The following BABAM2 variants were observed in gnomAD, a reference collection of about 807,000 sequenced individuals.
BABAM2 encodes BRISC and BRCA1-A complex member 2.
A neutral mutation model predicts 54.7 loss-of-function variants in BABAM2; 31 were observed. That is an observed-to-expected ratio of 0.57 (90% CI 0.43 to 0.77). The LOEUF (loss-of-function observed/expected upper bound fraction) is 0.77, where lower values mean the gene tolerates loss of function less well. Ranked by LOEUF, BABAM2 falls within the 30% of genes least tolerant of loss-of-function variation. The probability of loss-of-function intolerance (pLI) is 0.00; values close to 1 mark genes in which losing one functional copy is unlikely to be tolerated. For synonymous variants in BABAM2, 167 were observed against 162.9 expected (o/e 1.03, Z -0.19); for missense variants, 364 against 455.8 (o/e 0.80, Z 1.83).
intron 6 of BABAM2, among the ~76,000 whole-genome samples, chr2:28,106,917 TAAAC>T (rs1187220950): frequency 6.6e-6 from 1 of 152,226 alleles, no homozygotes; most frequent in African/African-American, 2.4e-5. Flanking sequence ...CCAAATATGT[TAAAC>T]AACCATTTTC....
At chr2:28,140,574 G>A (rs772368367) in intron 7 of BABAM2, among the ~76,000 whole-genome samples, 12 of 151,784 alleles carry the variant, frequency 7.9e-5, no homozygotes, top group Non-Finnish European at 1.3e-4. Context: ...AGATCCCTAG[G>A]GATAGAAGTA....
chr2:28,173,337 G>T (rs973300765), intron 7 of BABAM2, among the ~76,000 whole-genome samples: 3 of 152,068 alleles, frequency 2.0e-5, no homozygotes, highest in East Asian at 1.9e-4. Flanking sequence ...CCCCCATTTG[G>T]TGCATACAAT....
chr2:27,911,320 A>G (rs1196830732), intron 2 of BABAM2, among the ~76,000 whole-genome samples: 1 of 152,082 alleles, frequency 6.6e-6, no homozygotes, highest in Non-Finnish European at 1.5e-5. Context: ...ACATGTTTGA[A>G]CCCTCTGGAT....
At chr2:27,930,777 A>G (rs181860372) in intron 3 of BABAM2, among the ~76,000 whole-genome samples, 48 of 152,246 alleles carry the variant, frequency 3.2e-4, no homozygotes, top group African/African-American at 1.1e-3. Context: ...CTCTGTCACT[A>G]TTACCAATAC....
chr2:28,100,125 T>A (rs535666908), intron 6 of BABAM2, among the ~76,000 whole-genome samples: 1 of 152,134 alleles, frequency 6.6e-6, no homozygotes, highest in African/African-American at 2.4e-5. Flanking sequence ...ATTGTTTTGA[T>A]TTTTTCTTTA....
chr2:27,949,435 G>A (rs976038939), intron 3 of BABAM2, among the ~76,000 whole-genome samples: 3 of 151,952 alleles, frequency 2.0e-5, no homozygotes, highest in African/African-American at 4.8e-5. Flanking sequence ...TTGGGAGGCC[G>A]AGGCAGGAGA....
chr2:28,121,663 C>G (rs1669078728), intron 6 of BABAM2, among the ~76,000 whole-genome samples: 1 of 152,170 alleles, frequency 6.6e-6, no homozygotes, highest in Non-Finnish European at 1.5e-5. Flanking sequence ...ATTTCCTCCT[C>G]ATTCCTTATC....
intron 4 of BABAM2, among the ~76,000 whole-genome samples, chr2:27,989,526 T>C (rs538260925): frequency 6.6e-6 from 1 of 152,218 alleles, no homozygotes; most frequent in Admixed American, 6.5e-5. Flanking sequence ...GAAATGTAAG[T>C]CAATATAAGG....
intron 7 of BABAM2, among the ~76,000 whole-genome samples, chr2:28,190,554 G>T (rs1273817290): frequency 6.6e-6 from 1 of 152,156 alleles, no homozygotes; most frequent in Non-Finnish European, 1.5e-5. Flanking sequence ...AGGCGTGGTG[G>T]TGCATGTCTG....
chr2:28,277,785 G>A (rs1374926402), intron 10 of BABAM2, among the ~76,000 whole-genome samples: 1 of 152,216 alleles, frequency 6.6e-6, no homozygotes, highest in African/African-American at 2.4e-5. Flanking sequence ...AAACATTTGA[G>A]TATCTACTAT....
chr2:28,214,340 A>C (rs907961290), intron 7 of BABAM2, among the ~76,000 whole-genome samples: 2 of 152,140 alleles, frequency 1.3e-5, no homozygotes, highest in African/African-American at 4.8e-5. Flanking sequence ...ATTTTTTGAG[A>C]GCAAATAAAA....
At chr2:28,042,777 A>T (rs914517429) in intron 5 of BABAM2, among the ~76,000 whole-genome samples, 2 of 152,134 alleles carry the variant, frequency 1.3e-5, no homozygotes, top group African/African-American at 4.8e-5. Flanking sequence ...TTTAAAAATG[A>T]TGTTTATAAG....
At chr2:28,261,617 C>T (rs564380018) in intron 10 of BABAM2, among the ~76,000 whole-genome samples, 7 of 152,276 alleles carry the variant, frequency 4.6e-5, no homozygotes, top group African/African-American at 1.2e-4. Flanking sequence ...GGATTACAGG[C>T]GTGAGCCACC....
intron 7 of BABAM2, among the ~76,000 whole-genome samples, chr2:28,191,769 T>C (rs1676935032): frequency 6.6e-6 from 1 of 152,118 alleles, no homozygotes; most frequent in African/African-American, 2.4e-5. Flanking sequence ...AGTGTAGTTG[T>C]GGAAGGGAGA....
chr2:27,917,405 G>A (rs528263412), intron 2 of BABAM2, among the ~76,000 whole-genome samples: 40 of 152,302 alleles, frequency 2.6e-4, no homozygotes, highest in African/African-American at 9.4e-4. Flanking sequence ...ATAAACAGCA[G>A]AAGTTTATTG....
chr2:28,133,684 T>A (rs938620399), intron 7 of BABAM2, among the ~76,000 whole-genome samples: 1 of 152,204 alleles, frequency 6.6e-6, no homozygotes, highest in Admixed American at 6.5e-5. Context: ...GGCAAAGATA[T>A]TATACTCACG....
At chr2:28,084,981 T>G (rs1665514299) in intron 6 of BABAM2, among the ~76,000 whole-genome samples, 1 of 152,164 alleles carries the variant, frequency 6.6e-6, no homozygotes, top group Non-Finnish European at 1.5e-5. Context: ...TATTTGGGTT[T>G]TAAAAAAACG....
chr2:28,046,787 C>CTT (rs956125686), intron 6 of BABAM2, among the ~76,000 whole-genome samples: 1 of 144,490 alleles, frequency 6.9e-6, no homozygotes. Context: ...TACATTCCAT[C>CTT]TTTTTTTTTT....
chr2:28,231,764 C>G (rs1351902137), intron 7 of BABAM2, among the ~76,000 whole-genome samples: 1 of 107,836 alleles, frequency 9.3e-6, no homozygotes, highest in Non-Finnish European at 1.9e-5. Flanking sequence ...TCTAACCATT[C>G]TAATGCTTTG....
Sources: gnomAD v4.1 joint callset for allele counts (sites outside exome capture counted in the v4.1 genomes callset) on GRCh38, gnomAD v4.1.1 for gene constraint, MANE v1.5 for transcripts, NCBI Gene and HGNC (gene_info 2026-07-23, HGNC 2026-07-21) for gene names.